SLC2A11: variants seen among roughly 807,000 people sequenced by gnomAD.
SLC2A11 encodes the protein solute carrier family 2, facilitated glucose transporter member 11.
A neutral mutation model predicts 52.1 loss-of-function variants in SLC2A11; 43 were observed. The ratio of observed to expected loss-of-function variants is 0.82; its 90% CI spans 0.65 to 1.06. The LOEUF is 1.06. Ranked by LOEUF, SLC2A11 falls within the 50% of genes least tolerant of loss-of-function variation. SLC2A11 has a pLI of 0.00. For missense variants in SLC2A11, 582 were observed against 654.2 expected, an observed-to-expected ratio of 0.89 and a Z score of 1.20; for synonymous variants, 261 against 277.6, an observed-to-expected ratio of 0.94 and a Z score of 0.59.
At chr22:23,876,576 G>T (rs1007888268) in intron 4 of SLC2A11, among the ~76,000 whole-genome samples, 2 of 152,196 alleles carry the variant, frequency 1.3e-5, no homozygotes, top group Non-Finnish European at 2.9e-5. Context: ...GGCAGTGTAG[G>T]TGCCAGGGTC....
At chr22:23,883,612 G>C (rs566991321) in intron 8 of SLC2A11, 160 bp from the exon 9 acceptor site, 1 of 582,186 alleles carries the variant, frequency 1.7e-6, no homozygotes. Flanking sequence ...TTGGGTGATT[G>C]ATTGACCAAG....
At chr22:23,880,510 T>C (rs1384274912) in intron 6 of SLC2A11, 2 of 152,304 alleles carry the variant, frequency 1.3e-5, no homozygotes, top group East Asian at 3.9e-4. Context: ...TATGTCAGGC[T>C]ACCGTGAATC....
intron 2 of SLC2A11, among the ~76,000 whole-genome samples, chr22:23,863,396 A>G (rs1331338053): frequency 6.6e-6 from 1 of 152,118 alleles, no homozygotes; most frequent in African/African-American, 2.4e-5. Context: ...GCCCGAGCCA[A>G]TGTTCTGTGA....
rs2032940102 is a variant in SLC2A11 at position 23,884,625 on chromosome 22, C to A, written c.1300-24C>A. ...AGGGGTTGATGGAGACACACCAGGT[C>A]TTGGGGTCTTTTTTAATCCGCAGGA... On this transcript the variant is annotated intron_variant, in intron 11 of 11. Coordinates refer to ENST00000316185, the MANE Select transcript of SLC2A11 (RefSeq NM_001024939.4). The surrounding 1 kb of genome is among the most constrained non-coding windows in gnomAD (Gnocchi z 4.3). The A allele has an allele frequency of 6.2e-7, 1 of 1,604,392 alleles. No individual in the cohort carries two copies. The highest frequency in any genetic ancestry group is 8.5e-7 in the Non-Finnish European group (1 of 1,175,168).
At chr22:23,877,539 C>T in intron 5 of SLC2A11, 182 bp from the exon 6 acceptor site, 4 of 854,364 alleles carry the variant, frequency 4.7e-6, no homozygotes, top group East Asian at 2.6e-5. Flanking sequence ...GGCAGTGGCC[C>T]TGTCCTCTCT....
chr22:23,884,542 T>C lies in SLC2A11; in HGVS notation c.1300-107T>C, dbSNP rs2032937613. 1 of 1,550,100 alleles carries C rather than the reference T, an allele frequency of 6.5e-7. No homozygotes were observed. Among genetic ancestry groups the C allele is most frequent in the South Asian group, 1.2e-5 (1 of 80,136 alleles). The stretch of plus-strand genomic sequence containing the variant: ...GACTGAGACTGAAAGGGAGGGGTCT[T>C]AGGGGAGCAAAGAGGGGGGCAAATG... On this transcript the variant is annotated intron_variant, in intron 11 of 11. Coordinates refer to ENST00000316185, the MANE Select transcript of SLC2A11 (RefSeq NM_001024939.4). This position sits in a 1 kb window ranked among gnomAD's most constrained non-coding sequence, Gnocchi z 4.3.
At chr22:23,868,295 G>A (rs1265870415) in intron 2 of SLC2A11, 186 bp from the exon 3 acceptor site, 1 of 620,804 alleles carries the variant, frequency 1.6e-6, no homozygotes, top group African/African-American at 1.8e-5. Context: ...GAACCAGCAT[G>A]GTGCCCTGCA....
At chr22:23,866,107 T>C (rs2032252602) in intron 2 of SLC2A11, 1 of 149,952 alleles carries the variant, frequency 6.7e-6, no homozygotes, top group Non-Finnish European at 1.5e-5. Context: ...AGTTCGAGGC[T>C]ACAGTGAGCT....
intron 8 of SLC2A11, 84 bp downstream of exon 8, chr22:23,882,953 G>T (rs1340381110): frequency 7.9e-7 from 1 of 1,262,590 alleles, no homozygotes; most frequent in Admixed American, 2.0e-5. Flanking sequence ...TTACACTCCA[G>T]CTTATGGTGT....
Position 23,884,806 on chromosome 22 carries a change from C to A in SLC2A11, c.1457C>A (p.Pro486His). The change falls in exon 12 of 12, where the codon CCC becomes CAC. Residue 486 changes from proline (P) to histidine (H), a missense_variant. Coordinates refer to ENST00000316185, the MANE Select transcript of SLC2A11 (RefSeq NM_001024939.4). This position sits in a 1 kb window ranked among gnomAD's most constrained non-coding sequence, Gnocchi z 4.3. ...RLNFPRRAQG[P>H]TWRSLEVIQS... The stretch of plus-strand genomic sequence containing the variant: ...AACTTCCCCAGGCGGGCCCAGGGCC[C>A]CACGTGGAGGAGCCTGGAGGTTATC... 2 of 1,614,204 alleles carry A rather than the reference C, an allele frequency of 1.2e-6. No individual in the cohort carries two copies. Among genetic ancestry groups the A allele is most frequent in the South Asian group, 2.2e-5 (2 of 91,090 alleles).
chr22:23,857,568 TGACCCCAAACCCCCCCCCCGCGGCGGC>T, upstream of SLC2A11: 5 of 1,514,320 alleles, frequency 3.3e-6, no homozygotes, highest in Non-Finnish European at 1.8e-6. Context: ...CCCGCGGCGG[TGACCCCAAACCCCCCCCCCGCGGCGGC>T]GACTCCCCCC....
Position 23,860,491 on chromosome 22 carries a change from C to G in SLC2A11, c.31-1613C>G, listed in dbSNP as rs148640693. On this transcript the variant is annotated intron_variant, in intron 1 of 11. Transcript: ENST00000316185. ...CCCTAAGACGACCTCAACTACAGGTCGGGTGCGGTGGCTCACGTCTGTAAT... is the reference window on the plus strand; with the variant it reads ...CCCTAAGACGACCTCAACTACAGGTGGGGTGCGGTGGCTCACGTCTGTAAT... Among the ~76,000 whole-genome samples, 30 of 151,298 alleles carry G rather than the reference C, an allele frequency of 2.0e-4. No individual in the cohort carries two copies. In the East Asian group the frequency reaches 5.9e-3, roughly 30 times the overall value.
At position 23,857,961 on chromosome 22, in the gene SLC2A11, C is replaced by G; in HGVS notation, c.-39C>G. On this transcript the variant is annotated 5_prime_UTR_variant, in exon 1 of 12. Coordinates refer to ENST00000316185, the MANE Select transcript of SLC2A11 (RefSeq NM_001024939.4). ...GCTTGCTAATGGCAGCCGGGGTCTC[C>G]CTGGGACAGCAAGACCTCCGCTCAG... 6.3e-7 allele frequency: 1 copy of G among 1,591,208 alleles called. No individual in the cohort carries two copies. The highest frequency in any genetic ancestry group is 8.5e-7 in the Non-Finnish European group (1 of 1,170,652).
At chr22:23,882,213 CAG>C (rs2032835445) in intron 6 of SLC2A11, 10 of 545,976 alleles carry the variant, frequency 1.8e-5, no homozygotes, top group South Asian at 1.7e-4. Context: ...CACACACACA[CAG>C]ACACAGAGAC....
chr22:23,869,830 A>T (rs916372119), intron 3 of SLC2A11: 20 of 586,834 alleles, frequency 3.4e-5, no homozygotes, highest in Non-Finnish European at 6.1e-5. Flanking sequence ...TGCTTCCAAG[A>T]TGGTGCCTTG....
At chr22:23,857,344 C>G, upstream of SLC2A11, 1 of 1,361,952 alleles carries the variant, frequency 7.3e-7, no homozygotes, top group Non-Finnish European at 1.0e-6. Flanking sequence ...ACCAGAGTCG[C>G]TTGCTGGCAC....
chr22:23,883,944 G>T lies in SLC2A11; in HGVS notation c.1096-5G>T, dbSNP rs145159477. On this transcript the variant is annotated splice_polypyrimidine_tract_variant and splice_region_variant and intron_variant, in intron 9 of 11. Coordinates refer to ENST00000316185, the MANE Select transcript of SLC2A11 (RefSeq NM_001024939.4). ...TCCACCTCACCCCCGCCCCGTCCAC[G>T]GCAGAGCTCCTTCCCCTGGACACTC... 6.2e-7 allele frequency: 1 copy of T among 1,611,992 alleles called. No individual in the cohort carries two copies. The highest frequency in any genetic ancestry group is 1.7e-5 in the Admixed American group (1 of 59,690).
At chr22:23,857,577 A>ACAC (rs1555884637), upstream of SLC2A11, 255 of 1,170,980 alleles carry the variant, frequency 2.2e-4, 1 homozygote, top group African/African-American at 4.3e-3. Flanking sequence ...GTGACCCCAA[A>ACAC]CCCCCCCCCC....
chr22:23,857,575 A>AC, upstream of SLC2A11: 1 of 1,225,498 alleles, frequency 8.2e-7, no homozygotes, highest in Non-Finnish European at 1.1e-6. Flanking sequence ...CGGTGACCCC[A>AC]AACCCCCCCC....
Sources: gnomAD v4.1 joint callset for allele counts (sites outside exome capture counted in the v4.1 genomes callset) on GRCh38, gnomAD v4.1.1 for gene constraint, Gnocchi (gnomAD v3.1) non-coding constraint, MANE v1.5 for transcripts, NCBI Gene and HGNC (gene_info 2026-07-23, HGNC 2026-07-21) for gene names.